The following ADAMTS20 variants were observed in gnomAD, a reference collection of about 807,000 sequenced individuals.
ADAMTS20 encodes A disintegrin and metalloproteinase with thrombospondin motifs 20.
ADAMTS20 carries 225 observed loss-of-function variants against 260.1 expected under a neutral mutation model. The ratio of observed to expected loss-of-function variants is 0.87; its 90% CI spans 0.78 to 0.97. The LOEUF is 0.97. Ranked by LOEUF, ADAMTS20 falls within the 50% of genes least tolerant of loss-of-function variation. The pLI is 0.00. For synonymous variants in ADAMTS20, 802 were observed against 769.5 expected, an observed-to-expected ratio of 1.04 and a Z score of -0.70; for missense variants, 2,400 against 2,337.7, an observed-to-expected ratio of 1.03 and a Z score of -0.55.
chr12:43,432,147 G>T (rs116230653), intron 21 of ADAMTS20, among the ~76,000 whole-genome samples, 157 bp downstream of exon 21: 2,011 of 152,242 alleles, frequency 0.013, 51 homozygotes, highest in African/African-American at 0.047. Context: ...GACACTGTGT[G>T]CCTGGCCTGT....
intron 14 of ADAMTS20, 32 bp downstream of exon 14, chr12:43,452,242 T>G (rs1168237206): frequency 1.4e-5 from 22 of 1,563,054 alleles, no homozygotes; most frequent in Non-Finnish European, 1.8e-5. Flanking sequence ...TAAAGTCACT[T>G]TAAATCTAAT....
chr12:43,492,649 C>A lies in ADAMTS20; in HGVS notation c.952-20G>T, dbSNP rs1446458161. On this transcript the variant is annotated intron_variant, in intron 5 of 38. Coordinates refer to ENST00000389420, the MANE Select transcript of ADAMTS20 (RefSeq NM_025003.5). ...TCCTTCCTATGCAAAATAAGCAATG[C>A]AATACTATGTCAAAATATTAACGTC... is the stretch of plus-strand genomic sequence containing the variant. 2 of 1,612,060 alleles carry A rather than the reference C, an allele frequency of 1.2e-6. No individual in the cohort carries two copies. The highest frequency in any genetic ancestry group is 1.1e-5 in the South Asian group (1 of 90,820).
Position 43,551,314 on chromosome 12 carries a change from C to T in ADAMTS20, c.92-44G>A, listed in dbSNP as rs982618909. On this transcript the variant is annotated intron_variant, in intron 1 of 38. Transcript: ENST00000389420. This position sits in a 1 kb window ranked among gnomAD's most constrained non-coding sequence, Gnocchi z 4.6. The stretch of plus-strand genomic sequence containing the variant: ...GACCAGTGAGCTCCCACGCGTTCCT[C>T]ATTGTCCAACTCTAAACTTCTTCCA... The T allele has an allele frequency of 3.8e-6, 6 of 1,579,288 alleles. No individual in the cohort carries two copies. The highest frequency in any genetic ancestry group is 3.4e-6 in the Non-Finnish European group (4 of 1,161,368).
chr12:43,536,068 T>C (rs1329667272), intron 2 of ADAMTS20, among the ~76,000 whole-genome samples: 1 of 152,022 alleles, frequency 6.6e-6, no homozygotes, highest in Admixed American at 6.6e-5. Context: ...TCAGACATTA[T>C]TCATTTATAT....
At chr12:43,537,303 C>T (rs1943309966) in intron 2 of ADAMTS20, among the ~76,000 whole-genome samples, 1 of 152,026 alleles carries the variant, frequency 6.6e-6, no homozygotes, top group African/African-American at 2.4e-5. Flanking sequence ...GGTCCACCCA[C>T]CTCAGCCTCC....
Position 43,551,859 on chromosome 12 carries a change from A to G in ADAMTS20, c.63T>C (p.Ser21=), listed in dbSNP as rs148674926. Residue 21 remains serine, a synonymous_variant, in exon 1 of 39, where the codon TCT becomes TCC. Coordinates refer to ENST00000389420, the MANE Select transcript of ADAMTS20 (RefSeq NM_025003.5). The surrounding 1 kb of genome is among the most constrained non-coding windows in gnomAD (Gnocchi z 4.6). The part of the protein sequence containing the change: ...LYHLSLFITR[S]WEVDFHPRQE... ...GCCTGGGGTGGAAGTCAACTTCCCA[A>G]GACCTGGTGATGAAGAGCGAGAGAT... 5.6e-6 allele frequency: 9 copies of G among 1,613,680 alleles called. No homozygotes were observed. Among genetic ancestry groups the G allele is most frequent in the Non-Finnish European group, 7.6e-6 (9 of 1,179,732 alleles).
intron 2 of ADAMTS20, among the ~76,000 whole-genome samples, chr12:43,546,000 A>C (rs566065009): frequency 6.6e-6 from 1 of 152,298 alleles, no homozygotes; most frequent in East Asian, 1.9e-4. Flanking sequence ...ATGAATAGCC[A>C]AAAGAGGTTC....
At chr12:43,524,664 A>T (rs1352869757) in intron 3 of ADAMTS20, among the ~76,000 whole-genome samples, 2 of 152,216 alleles carry the variant, frequency 1.3e-5, no homozygotes, top group East Asian at 1.9e-4. Context: ...ATCAAAGAAA[A>T]ATCAATCAGA....
Position 43,520,732 on chromosome 12 carries a change from T to C in ADAMTS20, c.613+11304A>G, listed in dbSNP as rs76974925. ...ACTCTTTAAAACACCATTAACAAGTTATAGTACACAATAATGGGCATGGTC... is the reference window on the plus strand; with the variant it reads ...ACTCTTTAAAACACCATTAACAAGTCATAGTACACAATAATGGGCATGGTC... On this transcript the variant is annotated intron_variant, in intron 3 of 38. Transcript: ENST00000389420. Among the ~76,000 whole-genome samples, 1,258 of 152,288 alleles carry C rather than the reference T, an allele frequency of 8.3e-3. 12 individuals carry two copies. The highest frequency in any genetic ancestry group is 0.029 in the African/African-American group (1,188 of 41,566).
At chr12:43,391,078 A>C (rs1940586358) in intron 29 of ADAMTS20, among the ~76,000 whole-genome samples, 1 of 152,196 alleles carries the variant, frequency 6.6e-6, no homozygotes, top group Non-Finnish European at 1.5e-5. Flanking sequence ...GGGAATTTCA[A>C]GATCAAGGTG....
chr12:43,534,533 TA>T (rs1482741041), intron 2 of ADAMTS20, among the ~76,000 whole-genome samples: 10 of 152,186 alleles, frequency 6.6e-5, no homozygotes, highest in African/African-American at 2.4e-4. Flanking sequence ...TTATTAACCA[TA>T]ACATTGTTTT....
intron 3 of ADAMTS20, among the ~76,000 whole-genome samples, chr12:43,517,813 A>T (rs1943019865): frequency 6.6e-6 from 1 of 152,114 alleles, no homozygotes; most frequent in Non-Finnish European, 1.5e-5. Flanking sequence ...ACAGTATGAC[A>T]TTGGCACAAA....
chr12:43,543,766 G>A lies in ADAMTS20; in HGVS notation c.453+7143C>T, dbSNP rs139351856. ...TTTCTTTTTCCTAGGAAAAATCAACGCCCCTCATTTTCCAGTCTTTTTTAC... is the reference window on the plus strand; with the variant it reads ...TTTCTTTTTCCTAGGAAAAATCAACACCCCTCATTTTCCAGTCTTTTTTAC... On this transcript the variant is annotated intron_variant, in intron 2 of 38. Transcript: ENST00000389420. Among the ~76,000 whole-genome samples, 151 of 152,038 alleles carry A rather than the reference G, an allele frequency of 9.9e-4. 2 individuals are homozygous for A. In the Middle Eastern group the frequency reaches 0.01, roughly 10 times the overall value.
At chr12:43,462,856 A>G (rs1470648947) in intron 11 of ADAMTS20, 39 bp downstream of exon 11, 1 of 1,500,054 alleles carries the variant, frequency 6.7e-7, no homozygotes. Flanking sequence ...ATCCTTGGAT[A>G]ATATCTTCAT....
intron 37 of ADAMTS20, 80 bp from the exon 38 acceptor site, chr12:43,356,668 G>C (rs1939752392): frequency 2.1e-6 from 2 of 964,532 alleles, no homozygotes; most frequent in Non-Finnish European, 3.2e-6. Context: ...CAATTGCAAG[G>C]GGCAACTGAA....
chr12:43,512,155 A>G (rs1329024730), intron 3 of ADAMTS20, among the ~76,000 whole-genome samples: 2 of 151,186 alleles, frequency 1.3e-5, no homozygotes, highest in Non-Finnish European at 3.0e-5. Flanking sequence ...GGTAAGTACT[A>G]TTATTATCGT....
rs61024820 is a variant in ADAMTS20 at position 43,506,158 on chromosome 12, C to CAAAAAAAA, written c.614-3754_614-3753insTTTTTTTT. Among the ~76,000 whole-genome samples, 5 of 151,400 alleles carry CAAAAAAAA rather than the reference C, an allele frequency of 3.3e-5. No individual in the cohort carries two copies. The East Asian group carries it at 9.8e-4, about 30-fold the overall frequency. ...ACAAAAACAACAACAACAACAACAA[C>CAAAAAAAA]AAAGGAAGGACATGCTGTGACATAT... On this transcript the variant is annotated intron_variant, in intron 3 of 38. Coordinates refer to ENST00000389420, the MANE Select transcript of ADAMTS20 (RefSeq NM_025003.5).
chr12:43,459,516 T>G (rs547476057), intron 11 of ADAMTS20, among the ~76,000 whole-genome samples: 16 of 152,038 alleles, frequency 1.1e-4, no homozygotes, highest in African/African-American at 3.9e-4. Flanking sequence ...CTGCCACCAT[T>G]TTGGAAGTGG....
At chr12:43,447,600 T>C (rs1941786600) in intron 14 of ADAMTS20, among the ~76,000 whole-genome samples, 1 of 151,996 alleles carries the variant, frequency 6.6e-6, no homozygotes, top group South Asian at 2.1e-4. Flanking sequence ...GGATGCCCTC[T>C]CACCACTCCT....
Sources: allele counts gnomAD v4.1 joint callset (sites outside exome capture counted in the v4.1 genomes callset), GRCh38; gene constraint gnomAD v4.1.1; non-coding constraint Gnocchi (gnomAD v3.1); transcripts MANE v1.5; gene names NCBI Gene and HGNC (gene_info 2026-07-23, HGNC 2026-07-21).